The following SORBS2 variants were observed in gnomAD, a reference collection of about 807,000 sequenced individuals.
SORBS2 encodes the protein sorbin and SH3 domain-containing protein 2.
SORBS2 carries 46 observed loss-of-function variants against 97.7 expected under a neutral mutation model. That is an observed-to-expected ratio of 0.47 (90% confidence interval 0.37 to 0.60). SORBS2 has a LOEUF of 0.60. Among genes scored for constraint, SORBS2 ranks in the 20% least tolerant of loss-of-function variants. The probability of loss-of-function intolerance (pLI) is 0.00; values close to 1 mark genes in which losing one functional copy is unlikely to be tolerated. For synonymous variants in SORBS2, 476 were observed against 473.4 expected (o/e 1.01, Z -0.07); for missense variants, 1,316 against 1,282.3 (o/e 1.03, Z -0.40).
chr4:185,746,878 GGACT>G (rs2098764532), intron 2 of SORBS2, among the ~76,000 whole-genome samples: 1 of 152,196 alleles, frequency 6.6e-6, no homozygotes, highest in Admixed American at 6.5e-5. Context: ...ATGTATCGAA[GGACT>G]GGCCCCCTAG....
chr4:185,733,402 T>C (rs1280929568), intron 2 of SORBS2, among the ~76,000 whole-genome samples: 5 of 151,756 alleles, frequency 3.3e-5, no homozygotes, highest in African/African-American at 9.7e-5. Flanking sequence ...CCAGCGGGGG[T>C]CCGCCCACTG....
chr4:185,792,905 GT>G (rs1238452318), intron 1 of SORBS2, among the ~76,000 whole-genome samples: 3 of 152,316 alleles, frequency 2.0e-5, no homozygotes, highest in Admixed American at 6.5e-5. Context: ...TTCCCCACAT[GT>G]GTGACCCTGT....
In SORBS2 at chr4:185,606,848, A is replaced by G. The variant is rs2096434274; in HGVS notation, c.2796+4932T>C. 1 of 985,258 alleles carries G rather than the reference A, an allele frequency of 1.0e-6. No homozygotes were observed. Among genetic ancestry groups the G allele is most frequent in the Non-Finnish European group, 1.2e-6 (1 of 829,928 alleles). 61.0% of individuals were successfully genotyped at this position (985,258 alleles called of 1,614,324 possible). A position where few individuals can be genotyped will look rare whatever the true frequency, so the allele number is the denominator to read the frequency against. The stretch of plus-strand genomic sequence containing the variant: ...CCAATGACCGGAAGGGGTACAGGCA[A>G]GGAACCCACGCTGGTGCACGCAGAG... On this transcript the variant is annotated intron_variant, in intron 12 of 14. Transcript: ENST00000418609. The surrounding 1 kb of genome is among the most constrained non-coding windows in gnomAD (Gnocchi z 4.3).
chr4:185,904,463 G>A (rs1239961318), intron 1 of SORBS2, among the ~76,000 whole-genome samples: 1 of 152,172 alleles, frequency 6.6e-6, no homozygotes, highest in Non-Finnish European at 1.5e-5. Context: ...AGAGACACCT[G>A]CCTCTCTGTA....
chr4:185,929,530 G>GTT lies in SORBS2; in HGVS notation c.-338+26664_-338+26665dup, dbSNP rs367695815. ...GGTTTTATTTGTTGTTTTTTGTTGG[G>GTT]TTTTTTTTTTTTTTTTGAGACAGAG... On this transcript the variant is annotated intron_variant, in intron 1 of 20. Transcript: ENST00000284776. Among the ~76,000 whole-genome samples, 78 of 135,108 alleles carry GTT rather than the reference G, an allele frequency of 5.8e-4. No individual in the cohort carries two copies. In the East Asian group the frequency reaches 6.3e-3, roughly 11 times the overall value. The allele number at this position is 135,108 out of a possible 152,430, so 88.6% of individuals were successfully genotyped here. A position where few individuals can be genotyped will look rare whatever the true frequency, so the allele number is the denominator to read the frequency against.
intron 1 of SORBS2, among the ~76,000 whole-genome samples, chr4:185,828,815 A>G (rs1561214179): frequency 6.6e-6 from 1 of 152,156 alleles, no homozygotes; most frequent in East Asian, 1.9e-4. Context: ...AGGCGATTCA[A>G]GTCACTATCC....
chr4:185,816,642 A>C (rs144326461), intron 1 of SORBS2, among the ~76,000 whole-genome samples: 1 of 152,208 alleles, frequency 6.6e-6, no homozygotes, highest in African/African-American at 2.4e-5. Context: ...ACAGGCTACT[A>C]ATCAAATGCG....
chr4:185,880,321 G>T (rs1166092453), intron 1 of SORBS2, among the ~76,000 whole-genome samples: 3 of 152,206 alleles, frequency 2.0e-5, no homozygotes, highest in Non-Finnish European at 4.4e-5. Context: ...ACTCTGCATA[G>T]TCGGGGAGCA....
At chr4:185,932,499 G>C (rs758224246) in intron 1 of SORBS2, among the ~76,000 whole-genome samples, 2 of 151,996 alleles carry the variant, frequency 1.3e-5, no homozygotes, top group South Asian at 2.1e-4. Flanking sequence ...TTAAGTACTG[G>C]GTTGGCTGAA....
chr4:185,730,410 GACTGT>G (rs2098608451), intron 2 of SORBS2, among the ~76,000 whole-genome samples: 1 of 146,696 alleles, frequency 6.8e-6, no homozygotes, highest in Admixed American at 7.0e-5. Context: ...CTTCATTATA[GACTGT>G]ATTATTTTAA....
chr4:185,750,800 T>C (rs1366679412), intron 2 of SORBS2, among the ~76,000 whole-genome samples: 3 of 152,106 alleles, frequency 2.0e-5, no homozygotes, highest in African/African-American at 7.2e-5. Context: ...TTTTTGGCTG[T>C]CAATTACATT....
At chr4:185,833,079 T>C (rs941443028) in intron 1 of SORBS2, among the ~76,000 whole-genome samples, 1 of 152,240 alleles carries the variant, frequency 6.6e-6, no homozygotes, top group African/African-American at 2.4e-5. Flanking sequence ...ATTTTTGTTA[T>C]CACATTTTCT....
At chr4:185,908,317 ATATATTTG>A (rs1561289775) in intron 1 of SORBS2, among the ~76,000 whole-genome samples, 10 of 133,606 alleles carry the variant, frequency 7.5e-5, no homozygotes, top group Non-Finnish European at 1.6e-4. Context: ...ATATATATAT[ATATATTTG>A]TATACACACA....
At chr4:185,621,955 T>C (rs2096726536) in intron 7 of SORBS2, among the ~76,000 whole-genome samples, 1 of 152,222 alleles carries the variant, frequency 6.6e-6, no homozygotes. Flanking sequence ...AAGCACTCTG[T>C]AGTGTCTGGT....
intron 2 of SORBS2, among the ~76,000 whole-genome samples, chr4:185,705,829 G>A (rs2098334955): frequency 6.6e-6 from 1 of 152,082 alleles, no homozygotes; most frequent in Non-Finnish European, 1.5e-5. Flanking sequence ...CCACCCCTTG[G>A]CTCTTCTAGT....
intron 4 of SORBS2, among the ~76,000 whole-genome samples, chr4:185,643,023 T>C (rs2097152082): frequency 6.6e-6 from 1 of 152,282 alleles, no homozygotes; most frequent in African/African-American, 2.4e-5. Flanking sequence ...GCATATTCAC[T>C]GAACACCTGC....
intron 1 of SORBS2, among the ~76,000 whole-genome samples, chr4:185,784,292 C>T (rs1040941795): frequency 6.6e-5 from 10 of 152,062 alleles, no homozygotes; most frequent in East Asian, 3.9e-4. Context: ...CCACCACTCC[C>T]GGCTAATTTT....
At position 185,827,030 on chromosome 4, in the gene SORBS2, T is replaced by C. The variant is rs201029397; in HGVS notation, c.-337-51664A>G. Among the ~76,000 whole-genome samples the C allele has an allele frequency of 3.6e-4, 53 of 148,696 alleles. No homozygotes were observed. In the East Asian group the frequency reaches 0.01, roughly 28 times the overall value. On this transcript the variant is annotated intron_variant, in intron 1 of 20. Coordinates refer to the SORBS2 transcript ENST00000284776. ...GACTACGTCATCATCATCATCACCA[T>C]CACCACCATCATCACCACCATCACC...
chr4:185,889,393 A>G (rs1160858669), intron 1 of SORBS2, among the ~76,000 whole-genome samples: 2 of 151,370 alleles, frequency 1.3e-5, no homozygotes, highest in Non-Finnish European at 2.9e-5. Flanking sequence ...ATGCCTCACC[A>G]TTCACGCATT....
Sources: gnomAD v4.1 joint callset for allele counts (sites outside exome capture counted in the v4.1 genomes callset) on GRCh38, gnomAD v4.1.1 for gene constraint, Gnocchi (gnomAD v3.1) non-coding constraint, MANE v1.5 for transcripts, NCBI Gene and HGNC (gene_info 2026-07-23, HGNC 2026-07-21) for gene names.